ADAM20: variants seen among roughly 807,000 people sequenced by gnomAD.
ADAM20 encodes the protein ADAM metallopeptidase domain 20.
For synonymous variants in ADAM20, 305 were observed against 310.2 expected, an observed-to-expected ratio of 0.98 and a Z score of 0.18; for missense variants, 871 against 883.2, an observed-to-expected ratio of 0.99 and a Z score of 0.18.
In ADAM20 at chr14:70,524,810, T is replaced by C. The variant is rs1478543372; in HGVS notation, c.-53A>G. The C allele has an allele frequency of 8.7e-6, 14 of 1,613,440 alleles. No homozygotes were observed. Among genetic ancestry groups the C allele is most frequent in the Non-Finnish European group, 1.0e-5 (12 of 1,179,926 alleles). On this transcript the variant is annotated 5_prime_UTR_variant, in exon 2 of 2. Coordinates refer to ENST00000256389, the MANE Select transcript of ADAM20 (RefSeq NM_003814.5). The stretch of plus-strand genomic sequence containing the variant: ...GTCTAGAGCAGAAGAGAACAAGGTG[T>C]GAGGCACTGCTGGTCTGGCTCCTCC...
intron 1 of ADAM20, among the ~76,000 whole-genome samples, chr14:70,530,765 G>A (rs1446739590): frequency 6.6e-6 from 1 of 151,844 alleles, no homozygotes; most frequent in Non-Finnish European, 1.5e-5. Flanking sequence ...GAAACTAAGA[G>A]GGAAATTAGC....
At chr14:70,540,519 T>C in the ADAM20 span, among the ~76,000 whole-genome samples, 1 of 152,242 alleles carries the variant, frequency 6.6e-6, no homozygotes, top group Admixed American at 6.5e-5. Flanking sequence ...AATTTTATAC[T>C]TATCTCTGCC....
chr14:70,578,838 C>G, the ADAM20 span, among the ~76,000 whole-genome samples: 1 of 151,998 alleles, frequency 6.6e-6, no homozygotes, highest in African/African-American at 2.4e-5. Flanking sequence ...CGCTTGCCCC[C>G]CTCCCTCCCC....
intron 1 of ADAM20, among the ~76,000 whole-genome samples, chr14:70,532,203 T>A (rs571661128): frequency 6.6e-6 from 1 of 151,926 alleles, no homozygotes; most frequent in Non-Finnish European, 1.5e-5. Flanking sequence ...TGACCTCTGA[T>A]AAAGGTGCCA....
At chr14:70,531,327 T>C (rs1464223627) in intron 1 of ADAM20, among the ~76,000 whole-genome samples, 3 of 152,072 alleles carry the variant, frequency 2.0e-5, no homozygotes, top group African/African-American at 7.2e-5. Context: ...TGATAAAAAA[T>C]ACTTGACATT....
intron 1 of ADAM20, among the ~76,000 whole-genome samples, chr14:70,529,917 T>G (rs1008010199): frequency 1.3e-5 from 2 of 152,208 alleles, no homozygotes; most frequent in Non-Finnish European, 2.9e-5. Context: ...TACTTTTAAT[T>G]TTTCAACTTC....
At chr14:70,573,040 A>T in the ADAM20 span, among the ~76,000 whole-genome samples, 1 of 152,162 alleles carries the variant, frequency 6.6e-6, no homozygotes, top group Non-Finnish European at 1.5e-5. Context: ...TTCTCAAAGA[A>T]CTAAAATAGA....
At chr14:70,570,909 T>C in the ADAM20 span, among the ~76,000 whole-genome samples, 2 of 152,146 alleles carry the variant, frequency 1.3e-5, no homozygotes, top group Non-Finnish European at 2.9e-5. Context: ...AGATAATTCA[T>C]CATGATCAAG....
the ADAM20 span, among the ~76,000 whole-genome samples, chr14:70,546,509 G>A: frequency 1.3e-5 from 2 of 152,124 alleles, no homozygotes; most frequent in African/African-American, 4.8e-5. Flanking sequence ...ACAAATGTTT[G>A]CATTCTTTTG....
the ADAM20 span, among the ~76,000 whole-genome samples, chr14:70,574,778 T>C: frequency 6.6e-6 from 1 of 151,622 alleles, no homozygotes; most frequent in Non-Finnish European, 1.5e-5. Flanking sequence ...ATAAATGAAA[T>C]AGAGACTAGA....
At chr14:70,544,996 A>G in the ADAM20 span, among the ~76,000 whole-genome samples, 2 of 152,228 alleles carry the variant, frequency 1.3e-5, no homozygotes, top group Non-Finnish European at 2.9e-5. Context: ...GTTCCTATAC[A>G]TATTTTCAAA....
chr14:70,546,913 C>G, the ADAM20 span, among the ~76,000 whole-genome samples: 1 of 151,986 alleles, frequency 6.6e-6, no homozygotes, highest in East Asian at 1.9e-4. Flanking sequence ...CAACAAAAAG[C>G]TGGTTTTTTG....
At chr14:70,539,218 T>C (rs963963893), upstream of ADAM20, among the ~76,000 whole-genome samples, 2 of 151,400 alleles carry the variant, frequency 1.3e-5, no homozygotes, top group South Asian at 4.2e-4. Context: ...TGCTCCTGAT[T>C]ATTGTAAATA....
chr14:70,524,748 C>T lies in ADAM20; in HGVS notation c.10G>A (p.Gly4Ser). The T allele has an allele frequency of 6.2e-7, 1 of 1,613,868 alleles. No individual in the cohort carries two copies. Among genetic ancestry groups the T allele is most frequent in the Non-Finnish European group, 8.5e-7 (1 of 1,179,932 alleles). MAV[G>S]EPLVHIRVTL... ...ACCCTGATGTGCACCAGGGGCTCAC[C>T]CACTGCCATTATGAAGCTGTCATTA... The change falls in exon 2 of 2, where the codon GGT becomes AGT. Residue 4 changes from glycine to serine, a missense_variant. By Grantham distance (56) the Gly-to-Ser change is moderately conservative. Coordinates refer to ENST00000256389, the MANE Select transcript of ADAM20 (RefSeq NM_003814.5).
At chr14:70,530,366 C>T (rs1275440954) in intron 1 of ADAM20, among the ~76,000 whole-genome samples, 4 of 152,094 alleles carry the variant, frequency 2.6e-5, no homozygotes, top group Admixed American at 1.3e-4. Flanking sequence ...TGGAACACCT[C>T]CTGAATGAAC....
chr14:70,562,214 A>C, the ADAM20 span, among the ~76,000 whole-genome samples: 1 of 152,168 alleles, frequency 6.6e-6, no homozygotes, highest in East Asian at 1.9e-4. Flanking sequence ...GTCAAAAGAG[A>C]TTATTTTGGA....
the ADAM20 span, among the ~76,000 whole-genome samples, chr14:70,553,319 AAAAAAAAAAAAAACTAGTAGCAGAATTG>A: frequency 8.1e-6 from 1 of 123,776 alleles, no homozygotes; most frequent in East Asian, 2.5e-4. Flanking sequence ...TAAAAAAAAA[AAAAAAAAAAAAAACTAGTAGCAGAATTG>A]AAAAAAAAAA....
At chr14:70,544,452 A>C in the ADAM20 span, among the ~76,000 whole-genome samples, 1 of 152,264 alleles carries the variant, frequency 6.6e-6, no homozygotes, top group Non-Finnish European at 1.5e-5. Flanking sequence ...ACTACATATT[A>C]AACTTGTAGG....
the ADAM20 span, among the ~76,000 whole-genome samples, chr14:70,571,339 G>T: frequency 6.6e-6 from 1 of 152,234 alleles, no homozygotes; most frequent in African/African-American, 2.4e-5. Context: ...TTCTGTTCTT[G>T]GGATAGTGAA....
Sources: gnomAD v4.1 joint callset for allele counts (sites outside exome capture counted in the v4.1 genomes callset) on GRCh38, gnomAD v4.1.1 for gene constraint, MANE v1.5 for transcripts, NCBI Gene and HGNC (gene_info 2026-07-23, HGNC 2026-07-21) for gene names.